The following NOL4 variants were observed in gnomAD, a reference collection of about 807,000 sequenced individuals.
NOL4 encodes the protein nucleolar protein 4.
In NOL4, 17 loss-of-function variants were observed where a neutral mutation model predicts 75.9. The ratio of observed to expected loss-of-function variants is 0.22; its 90% CI spans 0.15 to 0.34. The LOEUF is 0.34. Ranked by LOEUF, NOL4 falls within the 10% of genes least tolerant of loss-of-function variation. The pLI is 1.00. For synonymous variants in NOL4, 292 were observed against 289.9 expected (o/e 1.01, Z -0.07); for missense variants, 614 against 793.5 (o/e 0.77, Z 2.72).
intron 5 of NOL4, among the ~76,000 whole-genome samples, chr18:34,030,697 C>A (rs2075596266): frequency 6.6e-6 from 1 of 151,996 alleles, no homozygotes; most frequent in African/African-American, 2.4e-5. Flanking sequence ...CAAATAATAG[C>A]TAGAAGGAGC....
intron 6 of NOL4, among the ~76,000 whole-genome samples, chr18:33,963,608 T>C (rs553147971): frequency 1.3e-5 from 2 of 152,286 alleles, no homozygotes; most frequent in Admixed American, 1.3e-4. Context: ...CAATTTAGGC[T>C]CTATGGAAGA....
intron 9 of NOL4, among the ~76,000 whole-genome samples, chr18:33,915,945 C>T (rs1179547253): frequency 6.6e-6 from 1 of 151,966 alleles, no homozygotes; most frequent in Non-Finnish European, 1.5e-5. Flanking sequence ...AAATTTATTC[C>T]CAAATTGCAA....
intron 10 of NOL4, among the ~76,000 whole-genome samples, chr18:33,859,233 T>C (rs1433270848): frequency 6.6e-6 from 1 of 152,122 alleles, no homozygotes; most frequent in Non-Finnish European, 1.5e-5. Context: ...ACTAAATTAG[T>C]TATATTCCAT....
intron 5 of NOL4, among the ~76,000 whole-genome samples, chr18:34,067,918 A>T (rs971873660): frequency 2.0e-5 from 3 of 152,122 alleles, no homozygotes; most frequent in African/African-American, 7.2e-5. Context: ...ATCAGTGCAT[A>T]GGCAGTAGTT....
intron 10 of NOL4, among the ~76,000 whole-genome samples, chr18:33,858,550 A>G (rs1327081832): frequency 6.6e-6 from 1 of 152,004 alleles, no homozygotes; most frequent in Non-Finnish European, 1.5e-5. Context: ...AGATATCTAA[A>G]ATATCACACT....
intron 1 of NOL4, among the ~76,000 whole-genome samples, chr18:34,137,295 C>T (rs908138971): frequency 2.6e-5 from 4 of 151,862 alleles, no homozygotes; most frequent in Admixed American, 2.6e-4. Flanking sequence ...AATTGAACTA[C>T]AAAAATATTT....
At chr18:34,046,282 A>G (rs780057545) in intron 5 of NOL4, among the ~76,000 whole-genome samples, 1 of 152,034 alleles carries the variant, frequency 6.6e-6, no homozygotes, top group Non-Finnish European at 1.5e-5. Flanking sequence ...TTCCTGAAGC[A>G]TTGCCTTTCG....
At chr18:34,031,250 C>A (rs2075625952) in intron 5 of NOL4, among the ~76,000 whole-genome samples, 2 of 152,210 alleles carry the variant, frequency 1.3e-5, no homozygotes, top group Non-Finnish European at 2.9e-5. Flanking sequence ...TAGTCCCCTA[C>A]TGCAGTGCTT....
chr18:34,068,959 T>G (rs2077397361), intron 5 of NOL4, among the ~76,000 whole-genome samples: 1 of 152,106 alleles, frequency 6.6e-6, no homozygotes. Context: ...TATTATTTAA[T>G]CATTCTTTTA....
intron 6 of NOL4, among the ~76,000 whole-genome samples, chr18:33,980,003 G>A (rs1055906608): frequency 1.3e-5 from 2 of 151,954 alleles, no homozygotes; most frequent in African/African-American, 4.8e-5. Context: ...CAATGTTTTT[G>A]GTGGTTTCCA....
intron 9 of NOL4, among the ~76,000 whole-genome samples, chr18:33,895,025 T>A (rs1436676980): frequency 6.6e-6 from 1 of 152,138 alleles, no homozygotes; most frequent in Non-Finnish European, 1.5e-5. Context: ...ATATGTCAAT[T>A]AGCTTGATTT....
intron 5 of NOL4, among the ~76,000 whole-genome samples, chr18:34,031,497 C>T (rs1437935552): frequency 6.6e-6 from 1 of 152,178 alleles, no homozygotes; most frequent in African/African-American, 2.4e-5. Flanking sequence ...CAATAATCCA[C>T]TAACTTCTTA....
At chr18:33,949,925 T>A (rs187559456) in intron 8 of NOL4, among the ~76,000 whole-genome samples, 1 of 151,976 alleles carries the variant, frequency 6.6e-6, no homozygotes, top group African/African-American at 2.4e-5. Context: ...TCAACTAAAT[T>A]AACAACTGAA....
chr18:33,934,675 T>A (rs997291991), intron 9 of NOL4, among the ~76,000 whole-genome samples: 2 of 152,144 alleles, frequency 1.3e-5, no homozygotes, highest in Non-Finnish European at 2.9e-5. Context: ...CTGACTTTTC[T>A]CCTGCAGCTT....
rs144155579 is a variant in NOL4, at chr18:33,870,975, T to C, written c.1723+12269A>G. 9.3e-4 allele frequency among the ~76,000 whole-genome samples: 142 copies of C among 152,162 alleles called. 1 individual carries two copies. Among genetic ancestry groups the C allele is most frequent in the Middle Eastern group, 3.4e-3 (1 of 294 alleles). ...AATCAGTTTTAATTCTGAATTTTAG[T>C]GAGTGGACCAAGCAACAACTCAGGA... On this transcript the variant is annotated intron_variant, in intron 10 of 10. Coordinates refer to ENST00000261592, the MANE Select transcript of NOL4 (RefSeq NM_003787.5).
chr18:33,879,570 A>G (rs979179010), intron 10 of NOL4, among the ~76,000 whole-genome samples: 1 of 151,936 alleles, frequency 6.6e-6, no homozygotes, highest in African/African-American at 2.4e-5. Context: ...AGTACCAACT[A>G]CTCTGGAGGC....
intron 6 of NOL4, among the ~76,000 whole-genome samples, chr18:33,961,164 T>A (rs547265800): frequency 2.3e-4 from 35 of 152,226 alleles, no homozygotes; most frequent in Non-Finnish European, 4.6e-4. Flanking sequence ...ATCTGACAGT[T>A]AGTTTTATGT....
At chr18:34,053,236 G>A (rs2076696737) in intron 5 of NOL4, among the ~76,000 whole-genome samples, 1 of 151,924 alleles carries the variant, frequency 6.6e-6, no homozygotes, top group Admixed American at 6.6e-5. Context: ...CCATTCTATG[G>A]ATTTGCCTTT....
intron 9 of NOL4, 65 bp downstream of exon 9, chr18:33,943,000 A>G: frequency 3.7e-6 from 4 of 1,090,312 alleles, no homozygotes; most frequent in Non-Finnish European, 5.6e-6. Context: ...CTTCAACATA[A>G]ATCAAATTAA....
Sources: gnomAD v4.1 joint callset for allele counts (sites outside exome capture counted in the v4.1 genomes callset) on GRCh38, gnomAD v4.1.1 for gene constraint, MANE v1.5 for transcripts, NCBI Gene and HGNC (gene_info 2026-07-23, HGNC 2026-07-21) for gene names.